The following USH2A variants were observed in gnomAD, a reference collection of about 807,000 sequenced individuals.
USH2A encodes usherin, also known as Usher syndrome 2A (autosomal recessive, mild).
USH2A carries 443 observed loss-of-function variants against 538.9 expected under a neutral mutation model. The observed-to-expected ratio is 0.82, with a 90% CI of 0.76 to 0.89. The LOEUF (loss-of-function observed/expected upper bound fraction) is 0.89, where lower values mean the gene tolerates loss of function less well. USH2A is among the 40% of genes least tolerant of loss of function. USH2A has a pLI of 0.00. For synonymous variants in USH2A, 2,413 were observed against 2,273.5 expected (o/e 1.06, Z -1.75); for missense variants, 6,633 against 6,324.8 (o/e 1.05, Z -1.65).
intron 3 of USH2A, among the ~76,000 whole-genome samples, chr1:216,411,107 C>G (rs1247446462): frequency 6.6e-6 from 1 of 151,984 alleles, no homozygotes; most frequent in African/African-American, 2.4e-5. Flanking sequence ...TTAACATATC[C>G]AGTGATTCTC....
chr1:215,923,362 A>G (rs1666151113), intron 38 of USH2A, among the ~76,000 whole-genome samples: 1 of 152,084 alleles, frequency 6.6e-6, no homozygotes, highest in Non-Finnish European at 1.5e-5. Flanking sequence ...TCCTTCTCTC[A>G]TACCCACTCT....
intron 11 of USH2A, among the ~76,000 whole-genome samples, chr1:216,269,820 G>A (rs1344105161): frequency 6.6e-6 from 1 of 152,110 alleles, no homozygotes; most frequent in African/African-American, 2.4e-5. Flanking sequence ...TGGTGGATAT[G>A]CACAGTCAAC....
chr1:216,397,786 T>A (rs539612215), intron 3 of USH2A, among the ~76,000 whole-genome samples: 1 of 152,350 alleles, frequency 6.6e-6, no homozygotes, highest in African/African-American at 2.4e-5. Flanking sequence ...GACTGAGACA[T>A]AGTATCACCT....
intron 64 of USH2A, among the ~76,000 whole-genome samples, chr1:215,662,028 A>T (rs550114722): frequency 6.6e-6 from 1 of 152,288 alleles, no homozygotes; most frequent in East Asian, 1.9e-4. Context: ...GAGTGCATGG[A>T]TTTTAGCCTC....
intron 11 of USH2A, among the ~76,000 whole-genome samples, chr1:216,254,414 C>T (rs2036221888): frequency 6.6e-6 from 1 of 151,986 alleles, no homozygotes; most frequent in Non-Finnish European, 1.5e-5. Context: ...TTCCCCTTTC[C>T]TTTAAAAATA....
chr1:215,965,663 G>A (rs1401079266), intron 36 of USH2A, among the ~76,000 whole-genome samples, 184 bp from the exon 37 acceptor site: 1 of 152,084 alleles, frequency 6.6e-6, no homozygotes, highest in African/African-American at 2.4e-5. Flanking sequence ...TCCCCCTGCT[G>A]TTAAAGCTTA....
chr1:215,667,941 G>A (rs1160037377), intron 64 of USH2A, among the ~76,000 whole-genome samples: 1 of 151,990 alleles, frequency 6.6e-6, no homozygotes, highest in African/African-American at 2.4e-5. Flanking sequence ...AAGGTGGTGG[G>A]GAGCCCCAGC....
At chr1:215,693,351 T>G (rs980939261) in intron 61 of USH2A, among the ~76,000 whole-genome samples, 1 of 152,074 alleles carries the variant, frequency 6.6e-6, no homozygotes, top group Non-Finnish European at 1.5e-5. Flanking sequence ...TCCTACTATG[T>G]CAGACTTGGT....
rs140073419 is a variant in USH2A at position 216,395,977 on chromosome 1, A to G, written c.651+22537T>C. On this transcript the variant is annotated intron_variant, in intron 3 of 71. Coordinates refer to ENST00000307340, the MANE Select transcript of USH2A (RefSeq NM_206933.4). ...AGGACAATTTCTAGGCATTTCACTT[A>G]CACTGTTTCAACTCCTCCACAGCTA... is the stretch of plus-strand genomic sequence containing the variant. 3.0e-3 allele frequency among the ~76,000 whole-genome samples: 452 copies of G among 152,344 alleles called. 5 individuals are homozygous for G. The highest frequency in any genetic ancestry group is 0.01 in the African/African-American group (428 of 41,580).
Position 216,198,486 on chromosome 1 carries a change from T to C in USH2A, c.3910A>G (p.Ser1304Gly). 1.9e-6 allele frequency: 3 copies of C among 1,614,064 alleles called. No homozygotes were observed. Among genetic ancestry groups the C allele is most frequent in the Non-Finnish European group, 2.5e-6 (3 of 1,179,956 alleles). Residue 1304 changes from serine to glycine, a missense_variant, in exon 18 of 72, where the codon AGT (serine) becomes GGT (glycine). Physicochemically the swap from Ser to Gly is moderately conservative, Grantham distance 56. Coordinates refer to ENST00000307340, the MANE Select transcript of USH2A (RefSeq NM_206933.4). ...GCCGATTCTACAAATGAATGAGGAC[T>C]GAGCCAACCACTGCTCTGAAAAACT... ...SRVFQSSGWL[S>G]PHSFVESANE...
intron 3 of USH2A, among the ~76,000 whole-genome samples, chr1:216,370,695 A>AAAAAAAAAAAAAAAAAAAAAAC (rs2038696356): frequency 6.6e-6 from 1 of 150,624 alleles, no homozygotes; most frequent in Non-Finnish European, 1.5e-5. Context: ...AAAAAAAAAA[A>AAAAAAAAAAAAAAAAAAAAAAC]AAAAAAATAC....
Position 216,132,933 on chromosome 1 carries a change from C to A in USH2A, c.4628-35720G>T, listed in dbSNP as rs151330101. ...GATAAAAGCTTAATGTGTTTTCTTT[C>A]CCAGTGGGATAAGAATTCATTTTTA... On this transcript the variant is annotated intron_variant, in intron 21 of 71. Coordinates refer to ENST00000307340, the MANE Select transcript of USH2A (RefSeq NM_206933.4). 1.9e-3 allele frequency among the ~76,000 whole-genome samples: 289 copies of A among 152,158 alleles called. 1 individual carries two copies. The highest frequency in any genetic ancestry group is 6.6e-3 in the African/African-American group (274 of 41,544).
At chr1:216,094,679 C>T (rs1275100259) in intron 22 of USH2A, among the ~76,000 whole-genome samples, 1 of 152,098 alleles carries the variant, frequency 6.6e-6, no homozygotes, top group Admixed American at 6.6e-5. Context: ...TTCTTTCCAA[C>T]CTGGTGCAGA....
At chr1:216,230,752 GA>G (rs1331182708) in intron 14 of USH2A, among the ~76,000 whole-genome samples, 1 of 152,020 alleles carries the variant, frequency 6.6e-6, no homozygotes, top group Non-Finnish European at 1.5e-5. Flanking sequence ...CACATATTGA[GA>G]GACAGATTTG....
At chr1:215,698,525 G>A (rs1558059673) in intron 61 of USH2A, among the ~76,000 whole-genome samples, 1 of 152,178 alleles carries the variant, frequency 6.6e-6, no homozygotes, top group Non-Finnish European at 1.5e-5. Flanking sequence ...TCCAAGTGGT[G>A]TGAGATGGTA....
At chr1:216,296,943 A>G (rs940721328) in intron 9 of USH2A, among the ~76,000 whole-genome samples, 2 of 151,928 alleles carry the variant, frequency 1.3e-5, no homozygotes, top group African/African-American at 4.8e-5. Context: ...CCTAACTGCA[A>G]AAAGGCCACT....
intron 30 of USH2A, among the ~76,000 whole-genome samples, chr1:216,061,718 G>A (rs2031189158): frequency 6.6e-6 from 1 of 152,182 alleles, no homozygotes; most frequent in African/African-American, 2.4e-5. Flanking sequence ...CACCTTGTAA[G>A]AATCCCAGTG....
intron 35 of USH2A, among the ~76,000 whole-genome samples, chr1:215,984,264 AT>A (rs1328433097): frequency 6.6e-6 from 1 of 152,234 alleles, no homozygotes; most frequent in Non-Finnish European, 1.5e-5. Context: ...TTTCTTGCTT[AT>A]TCTCTGGCAC....
At chr1:216,296,516 T>C (rs2037108194) in intron 9 of USH2A, among the ~76,000 whole-genome samples, 1 of 152,056 alleles carries the variant, frequency 6.6e-6, no homozygotes, top group Non-Finnish European at 1.5e-5. Context: ...AGGAGCATGA[T>C]AGACAATTGC....
Sources: allele counts gnomAD v4.1 joint callset (sites outside exome capture counted in the v4.1 genomes callset), GRCh38; gene constraint gnomAD v4.1.1; transcripts MANE v1.5; gene names NCBI Gene and HGNC (gene_info 2026-07-23, HGNC 2026-07-21).